Variants in IL21R observed in about 807,000 individuals in gnomAD.
The protein encoded by IL21R is interleukin-21 receptor.
In IL21R, 14 loss-of-function variants were observed where a neutral mutation model predicts 41.3. That is an observed-to-expected ratio of 0.34 (90% CI 0.22 to 0.53). The LOEUF is 0.53. Ranked by LOEUF, IL21R falls within the 20% of genes least tolerant of loss-of-function variation. IL21R has a pLI of 0.94. For missense variants in IL21R, 588 were observed against 681.6 expected, an observed-to-expected ratio of 0.86 and a Z score of 1.53; for synonymous variants, 286 against 287.6, an observed-to-expected ratio of 0.99 and a Z score of 0.05.
chr16:27,442,243 T>C (rs1282836696), intron 4 of IL21R, among the ~76,000 whole-genome samples: 1 of 5,650 alleles, frequency 1.8e-4, no homozygotes, highest in African/African-American at 1.1e-3. Context: ...TGGGTGTGCA[T>C]GTGCACATGT....
chr16:27,429,757 G>C (rs2087137431), intron 1 of IL21R, among the ~76,000 whole-genome samples: 1 of 152,154 alleles, frequency 6.6e-6, no homozygotes, highest in Non-Finnish European at 1.5e-5. Flanking sequence ...CTGGGCAACA[G>C]AACATGACCC....
intron 3 of IL21R, among the ~76,000 whole-genome samples, chr16:27,435,308 T>C (rs1209079682): frequency 6.6e-6 from 1 of 152,168 alleles, no homozygotes; most frequent in Non-Finnish European, 1.5e-5. Context: ...CAGACACTGT[T>C]GCAGGCACTG....
intron 1 of IL21R, among the ~76,000 whole-genome samples, chr16:27,419,890 CT>C (rs369538447): frequency 1.6e-3 from 215 of 134,406 alleles, no homozygotes; most frequent in East Asian, 6.8e-3. Flanking sequence ...TATATGCTAT[CT>C]TTTTTTTTTT....
intron 1 of IL21R, chr16:27,402,996 A>T (rs564174685): frequency 2.4e-6 from 1 of 413,564 alleles, no homozygotes; most frequent in East Asian, 5.1e-5. Flanking sequence ...GCCTGATGGG[A>T]CCCATTCTGT....
chr16:27,407,248 A>T (rs1287874951), intron 1 of IL21R, among the ~76,000 whole-genome samples: 1 of 152,182 alleles, frequency 6.6e-6, no homozygotes, highest in African/African-American at 2.4e-5. Context: ...AGCCTCTGAG[A>T]GCTCATGCTT....
rs768708532 is a variant in IL21R, at chr16:27,448,651, C to G, written c.985C>G (p.Leu329Val). 16 of 1,613,020 alleles carry G rather than the reference C, an allele frequency of 9.9e-6. No individual in the cohort carries two copies. The highest frequency in any genetic ancestry group is 1.2e-5 in the Non-Finnish European group (14 of 1,180,026). The change falls in exon 9 of 9, where the codon CTG becomes GTG. Residue 329 changes from leucine to valine, a missense_variant. Leu to Val is a conservative substitution (Grantham distance 32). Coordinates refer to ENST00000337929, the MANE Select transcript of IL21R (RefSeq NM_181078.3). Reference protein sequence around the residue: ...CHPPRSPAKRLQLTELQEPAE... With the variant: ...CHPPRSPAKRVQLTELQEPAE... ...CCCACCACGGAGCCCGGCCAAGAGG[C>G]TGCAGCTCACGGAGCTACAAGAACC...
chr16:27,406,762 C>T (rs1013504649), intron 1 of IL21R, among the ~76,000 whole-genome samples: 11 of 152,224 alleles, frequency 7.2e-5, no homozygotes, highest in Admixed American at 1.3e-4. Flanking sequence ...GCCTCACACT[C>T]CGCATCCAGG....
chr16:27,415,431 G>A (rs1234492570), intron 1 of IL21R, among the ~76,000 whole-genome samples: 1 of 152,208 alleles, frequency 6.6e-6, no homozygotes, highest in Non-Finnish European at 1.5e-5. Context: ...GTTCAGTCAA[G>A]ACAAAAGCAG....
intron 4 of IL21R, among the ~76,000 whole-genome samples, chr16:27,440,572 C>T (rs376274204): frequency 1.5e-4 from 23 of 152,298 alleles, no homozygotes; most frequent in African/African-American, 3.6e-4. Context: ...CTTGCCCAGC[C>T]TAATTTGCCA....
chr16:27,406,342 G>T (rs2086747202), intron 1 of IL21R, among the ~76,000 whole-genome samples: 1 of 152,206 alleles, frequency 6.6e-6, no homozygotes, highest in Non-Finnish European at 1.5e-5. Context: ...GTTTGGGCAA[G>T]GCTGCAGAGG....
At chr16:27,442,512 C>T (rs3093362) in intron 4 of IL21R, among the ~76,000 whole-genome samples, 15 of 152,042 alleles carry the variant, frequency 9.9e-5, no homozygotes, top group Admixed American at 6.6e-4. Flanking sequence ...TACAGGCGCC[C>T]GCCACCACGC....
chr16:27,449,923 G>GCTA lies in IL21R; in HGVS notation c.*642_*644dup. 1 of 233,740 alleles carries GCTA rather than the reference G, an allele frequency of 4.3e-6. No homozygotes were observed. The highest frequency in any genetic ancestry group is 6.0e-5 in the East Asian group (1 of 16,584). 14.5% of individuals were successfully genotyped at this position (233,740 alleles called of 1,614,324 possible). Reference sequence around the variant, plus strand: ...CCCGACTCTGATACCTTCTGGCTGTGCTACCTGAGCCAAGTCGCCTCCCCT... The same window carrying GCTA: ...CCCGACTCTGATACCTTCTGGCTGTGCTACTACCTGAGCCAAGTCGCCTCCCCT... On this transcript the variant is annotated 3_prime_UTR_variant, in exon 9 of 9. Coordinates refer to ENST00000337929, the MANE Select transcript of IL21R (RefSeq NM_181078.3).
At chr16:27,437,371 C>A in intron 3 of IL21R, 117 bp from the exon 4 acceptor site, 1 of 836,320 alleles carries the variant, frequency 1.2e-6, no homozygotes, top group Non-Finnish European at 2.0e-6. Flanking sequence ...CCAGCCCTGC[C>A]TCAAATCCCT....
At position 27,425,260 on chromosome 16, in the gene IL21R, A is replaced by G. The variant is rs544664549; in HGVS notation, c.-16-4796A>G. Among the ~76,000 whole-genome samples, 93 of 152,348 alleles carry G rather than the reference A, an allele frequency of 6.1e-4. 1 individual carries two copies. Among genetic ancestry groups the G allele is most frequent in the African/African-American group, 1.9e-3 (81 of 41,590 alleles). ...TAAGGTGCTGTTGCCCTCAGGGGTC[A>G]GCCTGCGTGCAAAGACCCAAAAGGG... On this transcript the variant is annotated intron_variant, in intron 1 of 8. Transcript: ENST00000337929.
At chr16:27,408,137 T>A (rs1317704447) in intron 1 of IL21R, among the ~76,000 whole-genome samples, 2 of 152,302 alleles carry the variant, frequency 1.3e-5, no homozygotes, top group African/African-American at 2.4e-5. Flanking sequence ...AGAATATAGA[T>A]GAAAACACCA....
intron 5 of IL21R, 91 bp downstream of exon 5, chr16:27,443,207 A>T (rs1227009225): frequency 1.7e-6 from 2 of 1,209,408 alleles, no homozygotes; most frequent in Non-Finnish European, 2.3e-6. Flanking sequence ...CGGGTGAACA[A>T]CATCATTCAT....
chr16:27,415,064 C>T (rs2086877548), intron 1 of IL21R, among the ~76,000 whole-genome samples: 1 of 152,110 alleles, frequency 6.6e-6, no homozygotes, highest in African/African-American at 2.4e-5. Context: ...AGATAAAGCC[C>T]TCCGTGGCCG....
At chr16:27,403,771 G>A (rs1390802927) in intron 1 of IL21R, among the ~76,000 whole-genome samples, 1 of 152,202 alleles carries the variant, frequency 6.6e-6, no homozygotes, top group East Asian at 1.9e-4. Flanking sequence ...TGACAGAGGG[G>A]GAGCGACACA....
At chr16:27,414,165 A>AGTGTGTGTGTGTGTGTGT (rs3917005) in intron 1 of IL21R, among the ~76,000 whole-genome samples, 10,121 of 144,138 alleles carry the variant, frequency 0.07, 459 homozygotes, top group East Asian at 0.19. Flanking sequence ...AGCTATGTAT[A>AGTGTGTGTGTGTGTGTGT]GTGTGTGTGT....
Sources: allele counts gnomAD v4.1 joint callset (sites outside exome capture counted in the v4.1 genomes callset), GRCh38; gene constraint gnomAD v4.1.1; transcripts MANE v1.5; gene names NCBI Gene and HGNC (gene_info 2026-07-23, HGNC 2026-07-21).